Variants in PPP4C observed in about 807,000 individuals in gnomAD.
PPP4C encodes serine/threonine-protein phosphatase 4 catalytic subunit.
In PPP4C, 10 loss-of-function variants were observed where a neutral mutation model predicts 40.5. The observed-to-expected ratio is 0.25, with a 90% confidence interval of 0.15 to 0.42. The LOEUF (loss-of-function observed/expected upper bound fraction) is 0.42. Ranked by LOEUF, PPP4C falls within the 10% of genes least tolerant of loss-of-function variation. The pLI is 1.00. For synonymous variants in PPP4C, 187 were observed against 163.6 expected (o/e 1.14, Z -1.09); for missense variants, 191 against 416.4 (o/e 0.46, Z 4.71).
At chr16:30,078,452 G>A (rs1441783227) in intron 2 of PPP4C, among the ~76,000 whole-genome samples, 5 of 152,212 alleles carry the variant, frequency 3.3e-5, no homozygotes, top group African/African-American at 1.2e-4. Context: ...GAAGGCTGAG[G>A]GGTGGAGGGT....
Position 30,076,051 on chromosome 16 carries a change from G to T in PPP4C, c.-107G>T. On this transcript the variant is annotated 5_prime_UTR_variant, in exon 1 of 9. The change creates a new upstream start codon in the 5' untranslated region. Coordinates refer to ENST00000279387, the MANE Select transcript of PPP4C (RefSeq NM_002720.3). ...CGGCGGTCGAAAGCGGAGTGAAAGA[G>T]GGAGGCAGGGAGCCGGAGAGCCGGA... 1 of 429,974 alleles carries T rather than the reference G, an allele frequency of 2.3e-6. No homozygotes were observed. Among genetic ancestry groups the T allele is most frequent in the Non-Finnish European group, 4.2e-6 (1 of 240,114 alleles). The allele number at this position is 429,974 out of a possible 1,614,324, so 26.6% of individuals were successfully genotyped here. A position where few individuals can be genotyped will look rare whatever the true frequency, so the allele number is the denominator to read the frequency against.
intron 2 of PPP4C, among the ~76,000 whole-genome samples, chr16:30,077,053 T>C (rs764311818): frequency 5.9e-5 from 9 of 152,016 alleles, no homozygotes; most frequent in Non-Finnish European, 1.0e-4. Flanking sequence ...ACGTTCAGGG[T>C]GGGAGCCTGA....
intron 2 of PPP4C, among the ~76,000 whole-genome samples, chr16:30,080,775 G>C (rs549194534): frequency 6.6e-6 from 1 of 152,206 alleles, no homozygotes; most frequent in African/African-American, 2.4e-5. Flanking sequence ...AAAGTGCTGG[G>C]ATTACAGGCA....
intron 7 of PPP4C, among the ~76,000 whole-genome samples, chr16:30,084,444 G>A (rs2072578603): frequency 6.6e-6 from 1 of 152,206 alleles, no homozygotes; most frequent in Non-Finnish European, 1.5e-5. Context: ...ATTATGAGGG[G>A]GCCCCAGGCA....
At chr16:30,081,748 A>C (rs575399277) in intron 3 of PPP4C, 1 of 156,740 alleles carries the variant, frequency 6.4e-6, no homozygotes, top group Non-Finnish European at 1.4e-5. Context: ...GTCTCAAAAA[A>C]AAACAAAAAA....
In PPP4C at chr16:30,082,771, A is replaced by G. The variant is rs768077357; in HGVS notation, c.227A>G (p.Asn76Ser). Reference sequence around the variant, plus strand: ...GTAGGTGGCGACGTCCCTGAGACCAACTACCTCTTCATGGGGGACTTTGTG... The same window carrying G: ...GTAGGTGGCGACGTCCCTGAGACCAGCTACCTCTTCATGGGGGACTTTGTG... The part of the protein sequence containing the change: ...FRVGGDVPET[N>S]YLFMGDFVDR... The change falls in exon 5 of 9, where the codon AAC becomes AGC. Residue 76 changes from asparagine (N) to serine (S), a missense_variant. This residue lies in a region of PPP4C where 171 missense variants were observed against 352.4 expected (regional missense o/e 0.49). Coordinates refer to ENST00000279387, the MANE Select transcript of PPP4C (RefSeq NM_002720.3). The G allele has an allele frequency of 5.6e-6, 9 of 1,613,882 alleles. No individual in the cohort carries two copies. Among genetic ancestry groups the G allele is most frequent in the African/African-American group, 5.3e-5 (4 of 74,868 alleles).
intron 2 of PPP4C, 105 bp downstream of exon 2, chr16:30,076,580 T>C: frequency 8.4e-7 from 1 of 1,189,862 alleles, no homozygotes; most frequent in Non-Finnish European, 1.2e-6. Context: ...TCTGGAAGCT[T>C]TCCCAGAGAG....
At position 30,076,353 on chromosome 16, in the gene PPP4C, C is replaced by G; in HGVS notation, c.-25C>G. The G allele has an allele frequency of 6.2e-7, 1 of 1,610,558 alleles. No homozygotes were observed. The highest frequency in any genetic ancestry group is 8.5e-7 in the Non-Finnish European group (1 of 1,178,576). ...GGTGCGGAGGGGGCGGCGGCCCCGA[C>G]TCTGACCCGCGCCGGGGGTGGGCCA... On this transcript the variant is annotated 5_prime_UTR_variant, in exon 2 of 9. Coordinates refer to ENST00000279387, the MANE Select transcript of PPP4C (RefSeq NM_002720.3).
intron 2 of PPP4C, among the ~76,000 whole-genome samples, chr16:30,078,993 G>A (rs966918147): frequency 1.3e-5 from 2 of 152,030 alleles, no homozygotes; most frequent in African/African-American, 2.4e-5. Context: ...CTGGGGTTGC[G>A]CTGGCACTGA....
Position 30,083,247 on chromosome 16 carries a change from C to T in PPP4C, c.304-147C>T, listed in dbSNP as rs887068365. The T allele has an allele frequency of 7.4e-5, 68 of 916,966 alleles. 1 individual carries two copies. The Admixed American group carries it at 1.4e-3, about 18-fold the overall frequency. 56.8% of individuals were successfully genotyped at this position (916,966 alleles called of 1,614,324 possible). On this transcript the variant is annotated intron_variant, in intron 5 of 8. Transcript: ENST00000279387. This position sits in a 1 kb window ranked among gnomAD's most constrained non-coding sequence, Gnocchi z 6.3. ...GGGGTCGTGTGGGCCTGGGAGGTGGCTGATGCCACACGATTCAGGCAAGAG... is the reference window on the plus strand; with the variant it reads ...GGGGTCGTGTGGGCCTGGGAGGTGGTTGATGCCACACGATTCAGGCAAGAG...
Position 30,084,951 on chromosome 16 carries a change from C to T in PPP4C, c.813C>T (p.Ala271=), listed in dbSNP as rs1476035300. ...NYCYRCGNVA[A]ILELDEHLQK... ...CTTCCAGCTGTGGGAATGTGGCAGCCATCTTGGAGCTGGACGAGCATCTCC... is the reference window on the plus strand; with the variant it reads ...CTTCCAGCTGTGGGAATGTGGCAGCTATCTTGGAGCTGGACGAGCATCTCC... The change falls in exon 9 of 9, where the codon GCC becomes GCT. Residue 271 remains alanine (A), a synonymous_variant. Coordinates refer to ENST00000279387, the MANE Select transcript of PPP4C (RefSeq NM_002720.3). 5 of 1,614,118 alleles carry T rather than the reference C, an allele frequency of 3.1e-6. No homozygotes were observed. The highest frequency in any genetic ancestry group is 4.2e-6 in the Non-Finnish European group (5 of 1,179,938).
rs775189651 is a variant in PPP4C at position 30,084,826 on chromosome 16, T to C, written c.765T>C (p.Thr255=). The change falls in exon 8 of 9, where the codon ACT becomes ACC. Residue 255 remains threonine (T), a synonymous_variant. Transcript: ENST00000279387. ...GGCACTTCAATGAGACGGTGCTCACTGTGTGGTCGGCACCCAACTACTGCT... is the reference window on the plus strand; with the variant it reads ...GGCACTTCAATGAGACGGTGCTCACCGTGTGGTCGGCACCCAACTACTGCT... The part of the protein sequence containing the change: ...YKWHFNETVL[T]VWSAPNYCYR... 24 of 1,614,122 alleles carry C rather than the reference T, an allele frequency of 1.5e-5. No homozygotes were observed. Among genetic ancestry groups the C allele is most frequent in the East Asian group, 1.1e-4 (5 of 44,902 alleles).
rs544030937 is a variant in PPP4C at position 30,076,555 on chromosome 16, T to C, written c.98+80T>C. The stretch of plus-strand genomic sequence containing the variant: ...CCTGGGGCAAACCCAACTGAGAACT[T>C]TGGGCTTGCCTCGTTCTGGAAGCTT... On this transcript the variant is annotated intron_variant, in intron 2 of 8. Transcript: ENST00000279387. 74 of 1,415,040 alleles carry C rather than the reference T, an allele frequency of 5.2e-5. 1 individual carries two copies. In the South Asian group the frequency reaches 7.9e-4, roughly 15 times the overall value. The allele number at this position is 1,415,040 out of a possible 1,614,324, so 87.7% of individuals were successfully genotyped here. A position where few individuals can be genotyped will look rare whatever the true frequency, so the allele number is the denominator to read the frequency against.
rs2072429291 is a variant in PPP4C, at chr16:30,077,748, G to C, written c.98+1273G>C. On this transcript the variant is annotated intron_variant, in intron 2 of 8. Coordinates refer to ENST00000279387, the MANE Select transcript of PPP4C (RefSeq NM_002720.3). ...CATCTCTTCCCCCCAGCAATCCTATGAGGTTGGAATCATTTGCTGCATTTT... is the reference window on the plus strand; with the variant it reads ...CATCTCTTCCCCCCAGCAATCCTATCAGGTTGGAATCATTTGCTGCATTTT... Among the ~76,000 whole-genome samples the C allele has an allele frequency of 2.0e-5, 3 of 152,248 alleles. No homozygotes were observed. The South Asian group carries it at 6.2e-4, about 31-fold the overall frequency.
rs769276094 is a variant in PPP4C, at chr16:30,083,354, A to C, written c.304-40A>C. 6.3e-7 allele frequency: 1 copy of C among 1,586,682 alleles called. No homozygotes were observed. Among genetic ancestry groups the C allele is most frequent in the Non-Finnish European group, 8.6e-7 (1 of 1,166,532 alleles). ...AGGTCAGAGAGGGATGTGTGGAGAGACCGTCTAGGCGCCAGCCCTGGCTTG... is the reference window on the plus strand; with the variant it reads ...AGGTCAGAGAGGGATGTGTGGAGAGCCCGTCTAGGCGCCAGCCCTGGCTTG... On this transcript the variant is annotated intron_variant, in intron 5 of 8. Transcript: ENST00000279387. The surrounding 1 kb of genome is among the most constrained non-coding windows in gnomAD (Gnocchi z 6.3).
At chr16:30,081,925 G>A (rs1358886477) in intron 3 of PPP4C, among the ~76,000 whole-genome samples, 2 of 149,924 alleles carry the variant, frequency 1.3e-5, no homozygotes, top group African/African-American at 4.9e-5. Context: ...TGTGGTGGTG[G>A]ACACCTGTAG....
intron 7 of PPP4C, among the ~76,000 whole-genome samples, chr16:30,084,156 T>A (rs898148713): frequency 2.0e-5 from 3 of 152,178 alleles, no homozygotes; most frequent in African/African-American, 7.2e-5. Flanking sequence ...GAGTTCCTGT[T>A]GTCACAGGCA....
At chr16:30,076,179 C>T (rs2072387066) in intron 1 of PPP4C, 85 bp downstream of exon 1, 6 of 547,712 alleles carry the variant, frequency 1.1e-5, no homozygotes, top group Non-Finnish European at 1.9e-5. Context: ...GCGGCCAGGC[C>T]GTTGGACGCC....
intron 2 of PPP4C, among the ~76,000 whole-genome samples, chr16:30,078,168 C>T (rs1028005195): frequency 6.6e-5 from 10 of 152,154 alleles, no homozygotes; most frequent in Non-Finnish European, 2.9e-5. Flanking sequence ...AGATAGCATG[C>T]TGGAGTTTGC....
Sources: gnomAD v4.1 joint callset for allele counts (sites outside exome capture counted in the v4.1 genomes callset) on GRCh38, gnomAD v4.1.1 for gene constraint, gnomAD v4.1.1 regional missense constraint, Gnocchi (gnomAD v3.1) non-coding constraint, MANE v1.5 for transcripts, NCBI Gene and HGNC (gene_info 2026-07-23, HGNC 2026-07-21) for gene names.